Variants in MAPK10 observed in about 807,000 individuals in gnomAD.
The protein encoded by MAPK10 is mitogen-activated protein kinase 10, also known as JNK3 alpha protein kinase.
MAPK10 carries 25 observed loss-of-function variants against 59.3 expected under a neutral mutation model. The observed-to-expected ratio is 0.42, with a 90% CI of 0.31 to 0.59. The LOEUF is 0.59. Ranked by LOEUF, MAPK10 falls within the 20% of genes least tolerant of loss-of-function variation. The probability of loss-of-function intolerance (pLI) is 0.15; values close to 1 mark genes in which losing one functional copy is unlikely to be tolerated. For synonymous variants in MAPK10, 190 were observed against 200.5 expected, an observed-to-expected ratio of 0.95 and a Z score of 0.44; for missense variants, 351 against 568.9, an observed-to-expected ratio of 0.62 and a Z score of 3.90.
intron 11 of MAPK10, among the ~76,000 whole-genome samples, chr4:86,054,761 A>G (rs2148967209): frequency 6.6e-6 from 1 of 152,320 alleles, no homozygotes; most frequent in African/African-American, 2.4e-5. Flanking sequence ...TATGACAGAT[A>G]GATGGTACTA....
rs1303370104 is a variant in MAPK10 at position 86,159,330 on chromosome 4, C to T, written c.204G>A (p.Lys68=). The change falls in exon 4 of 14, where the codon AAG becomes AAA. Residue 68 remains lysine, a synonymous_variant. Transcript: ENST00000641462. ...TGCCCTGAGCCCCAGAGCCAATAGG[C>T]TTTAGATTCTGGTAGCGCTTGAGAA... The part of the protein sequence containing the change: ...FTVLKRYQNL[K]PIGSGAQGIV... 51 of 1,611,942 alleles carry T rather than the reference C, an allele frequency of 3.2e-5. No homozygotes were observed. The highest frequency in any genetic ancestry group is 4.3e-5 in the Non-Finnish European group (51 of 1,178,796).
intron 9 of MAPK10, among the ~76,000 whole-genome samples, chr4:86,092,189 T>C (rs887229484): frequency 3.9e-5 from 6 of 152,146 alleles, no homozygotes; most frequent in African/African-American, 1.4e-4. Context: ...CTGATGTACA[T>C]ATTGAATTTC....
chr4:86,272,181 A>G (rs2148773632), intron 2 of MAPK10, among the ~76,000 whole-genome samples: 1 of 152,146 alleles, frequency 6.6e-6, no homozygotes, highest in African/African-American at 2.4e-5. Context: ...ATTCTTTTTT[A>G]TGACTGCATA....
At chr4:86,269,797 T>G (rs556259187) in intron 2 of MAPK10, among the ~76,000 whole-genome samples, 1 of 152,260 alleles carries the variant, frequency 6.6e-6, no homozygotes, top group East Asian at 1.9e-4. Context: ...CTTGTCACTA[T>G]GACAACAAAT....
chr4:86,388,084 A>T (rs931938565), intron 1 of MAPK10, among the ~76,000 whole-genome samples: 1 of 151,566 alleles, frequency 6.6e-6, no homozygotes, highest in Admixed American at 6.6e-5. Context: ...GAAGTTGATA[A>T]CTGTACTGTA....
intron 4 of MAPK10, among the ~76,000 whole-genome samples, chr4:86,132,350 AT>A (rs1255679988): frequency 6.6e-6 from 1 of 152,074 alleles, no homozygotes; most frequent in African/African-American, 2.4e-5. Context: ...AACTGAACAC[AT>A]TTTTTTGTAT....
At chr4:86,351,203 T>A (rs1429806841) in intron 2 of MAPK10, among the ~76,000 whole-genome samples, 1 of 152,008 alleles carries the variant, frequency 6.6e-6, no homozygotes, top group African/African-American at 2.4e-5. Flanking sequence ...GTACCTACAA[T>A]ACCTGGACTT....
At chr4:86,262,119 C>T (rs1162117117) in intron 2 of MAPK10, among the ~76,000 whole-genome samples, 2 of 152,192 alleles carry the variant, frequency 1.3e-5, no homozygotes, top group Admixed American at 6.5e-5. Context: ...ACTTAATTTT[C>T]AATGCAACAG....
chr4:86,584,820 G>A (rs2149114237), intron 1 of MAPK10, among the ~76,000 whole-genome samples: 1 of 152,194 alleles, frequency 6.6e-6, no homozygotes, highest in South Asian at 2.1e-4. Context: ...GTGATTTTTG[G>A]TTAACAGATA....
At chr4:86,079,664 A>T (rs1382923477) in intron 9 of MAPK10, 2 of 152,196 alleles carry the variant, frequency 1.3e-5, no homozygotes, top group African/African-American at 4.8e-5. Flanking sequence ...ATAATTATAA[A>T]CAAAGAAGCT....
chr4:86,430,296 A>G (rs1428180897), intron 1 of MAPK10, among the ~76,000 whole-genome samples: 1 of 152,258 alleles, frequency 6.6e-6, no homozygotes, highest in Non-Finnish European at 1.5e-5. Flanking sequence ...AAATGTATCA[A>G]TGGTTTTCAT....
At position 86,031,494 on chromosome 4, in the gene MAPK10, A is replaced by G. The variant is rs959463289; in HGVS notation, c.1111-63T>C. On this transcript the variant is annotated intron_variant, in intron 11 of 13. Coordinates refer to ENST00000641462, the MANE Select transcript of MAPK10 (RefSeq NM_138982.4). ...ATGTAAACATAACTAAACTCTTACA[A>G]TGCACGAGAATACCTTGCCCTCATT... 5.5e-6 allele frequency: 6 copies of G among 1,089,494 alleles called. No homozygotes were observed. In the African/African-American group the frequency reaches 9.3e-5, roughly 17 times the overall value. 67.5% of individuals were successfully genotyped at this position (1,089,494 alleles called of 1,614,324 possible).
intron 1 of MAPK10, among the ~76,000 whole-genome samples, chr4:86,463,870 G>C (rs1751964276): frequency 6.6e-6 from 1 of 152,114 alleles, no homozygotes; most frequent in Non-Finnish European, 1.5e-5. Flanking sequence ...CAAATAAATT[G>C]AATAGATCCA....
chr4:86,421,411 C>A (rs1746523012), intron 1 of MAPK10, among the ~76,000 whole-genome samples: 1 of 152,076 alleles, frequency 6.6e-6, no homozygotes, highest in Admixed American at 6.6e-5. Context: ...AGCCATATAT[C>A]CCTGTTTGTT....
At chr4:86,550,790 A>G (rs1282142136) in intron 1 of MAPK10, among the ~76,000 whole-genome samples, 4 of 150,702 alleles carry the variant, frequency 2.7e-5, no homozygotes, top group Admixed American at 6.7e-5. Flanking sequence ...TCTTGTTCAC[A>G]TAAAGTCCCT....
At chr4:86,138,916 T>G (rs1392550042) in intron 4 of MAPK10, among the ~76,000 whole-genome samples, 1 of 151,246 alleles carries the variant, frequency 6.6e-6, no homozygotes, top group Admixed American at 6.6e-5. Context: ...AAATAATGAG[T>G]GAACTCCCAT....
At chr4:86,092,339 G>C (rs932673353) in intron 9 of MAPK10, among the ~76,000 whole-genome samples, 1 of 151,984 alleles carries the variant, frequency 6.6e-6, no homozygotes, top group Non-Finnish European at 1.5e-5. Flanking sequence ...CTTGTGCCTA[G>C]AAATGATAAG....
In MAPK10 at chr4:86,053,188, GA is replaced by G. The variant is rs550925019; in HGVS notation, c.1110+11077del. Among the ~76,000 whole-genome samples the G allele has an allele frequency of 1.3e-3, 199 of 152,260 alleles. 1 individual carries two copies. The highest frequency in any genetic ancestry group is 4.7e-3 in the African/African-American group (194 of 41,548). On this transcript the variant is annotated intron_variant, in intron 11 of 13. Coordinates refer to ENST00000641462, the MANE Select transcript of MAPK10 (RefSeq NM_138982.4). ...GAACTGATGTGGCCTTTAAATTACA[GA>G]GTTTATGTATAATAATTAACATCCA...
intron 1 of MAPK10, among the ~76,000 whole-genome samples, chr4:86,593,265 G>C (rs1165647066): frequency 6.6e-6 from 1 of 152,162 alleles, no homozygotes; most frequent in Non-Finnish European, 1.5e-5. Flanking sequence ...TTTGGAGCCA[G>C]CCATGAAATT....
Sources: allele counts gnomAD v4.1 joint callset (sites outside exome capture counted in the v4.1 genomes callset), GRCh38; gene constraint gnomAD v4.1.1; transcripts MANE v1.5; gene names NCBI Gene and HGNC (gene_info 2026-07-23, HGNC 2026-07-21).